Variants in UBR2 observed in about 807,000 individuals in gnomAD.
UBR2 encodes ubiquitin protein ligase E3 component n-recognin 2.
UBR2 carries 92 observed loss-of-function variants against 247.9 expected under a neutral mutation model. The ratio of observed to expected loss-of-function variants is 0.37; its 90% CI spans 0.31 to 0.44. The LOEUF (loss-of-function observed/expected upper bound fraction) is 0.44, where lower values mean the gene tolerates loss of function less well. Among genes scored for constraint, UBR2 ranks in the 20% least tolerant of loss-of-function variants. The pLI, the probability that UBR2 is intolerant of heterozygous loss-of-function variation, is 1.00. For synonymous variants in UBR2, 672 were observed against 693.5 expected (o/e 0.97, Z 0.49); for missense variants, 1,613 against 2,112.6 (o/e 0.76, Z 4.64).
chr6:42,595,718 TAAA>T (rs11452412), intron 4 of UBR2, among the ~76,000 whole-genome samples: 7 of 132,074 alleles, frequency 5.3e-5, no homozygotes, highest in Admixed American at 2.3e-4. Flanking sequence ...ACCCTGTCTT[TAAA>T]AAAAAAAAAA....
In UBR2 at chr6:42,612,283, G is replaced by C; in HGVS notation, c.977G>C (p.Gly326Ala). The C allele has an allele frequency of 1.3e-6, 2 of 1,511,904 alleles. No homozygotes were observed. Among genetic ancestry groups the C allele is most frequent in the Non-Finnish European group, 1.8e-6 (2 of 1,109,864 alleles). 93.7% of individuals were successfully genotyped at this position (1,511,904 alleles called of 1,614,324 possible). Reference sequence around the variant, plus strand: ...TTGTCTTGGCTGGGAAGTATTATTGGATATTCAGGTAGGTTCATAAAAGTT... The same window carrying C: ...TTGTCTTGGCTGGGAAGTATTATTGCATATTCAGGTAGGTTCATAAAAGTT... ...KLLSWLGSIIGYSDGLRRILC... is the reference protein window; with the variant it reads ...KLLSWLGSIIAYSDGLRRILC... Residue 326 changes from glycine to alanine, a missense_variant, in exon 8 of 47, where the codon GGA (glycine) becomes GCA (alanine). Around this residue, in one of 3 missense-constraint regions of UBR2, gnomAD observed 1,524 missense variants for 1,967.3 expected, o/e 0.77. Transcript: ENST00000372901.
rs774456672 is a variant in UBR2 at position 42,659,780 on chromosome 6, G to A, written c.3367G>A (p.Ala1123Thr). 6.2e-7 allele frequency: 1 copy of A among 1,614,162 alleles called. No individual in the cohort carries two copies. Among genetic ancestry groups the A allele is most frequent in the South Asian group, 1.1e-5 (1 of 91,084 alleles). ...GCAAGAAGTTAAAGTGGAAAGCAGG[G>A]CAATGGTCTTGGCAGCATTTGTTCA... ...EEQEVKVESR[A>T]MVLAAFVQRS... Residue 1123 changes from alanine to threonine, a missense_variant, in exon 30 of 47, where the codon GCA becomes ACA. Coordinates refer to ENST00000372901, the MANE Select transcript of UBR2 (RefSeq NM_001363705.2). The surrounding 1 kb of genome is among the most constrained non-coding windows in gnomAD (Gnocchi z 4.3).
chr6:42,609,956 G>A (rs577534088), intron 7 of UBR2, among the ~76,000 whole-genome samples: 30 of 151,008 alleles, frequency 2.0e-4, no homozygotes, highest in African/African-American at 7.0e-4. Flanking sequence ...CTCTGGAGCA[G>A]ATACACAAGC....
chr6:42,599,633 G>A (rs1457434898), intron 4 of UBR2, among the ~76,000 whole-genome samples: 2 of 139,128 alleles, frequency 1.4e-5, no homozygotes, highest in African/African-American at 5.4e-5. Flanking sequence ...TGTTGTTGTT[G>A]TTATGCTTTT....
chr6:42,690,175 TA>T (rs1173383742), intron 46 of UBR2, among the ~76,000 whole-genome samples: 2 of 152,234 alleles, frequency 1.3e-5, no homozygotes, highest in Admixed American at 1.3e-4. Context: ...CCCCAAGCAC[TA>T]TTAAAGAACT....
chr6:42,662,329 A>G (rs1238940445), intron 31 of UBR2, 52 bp downstream of exon 31: 1 of 1,147,492 alleles, frequency 8.7e-7, no homozygotes, highest in Non-Finnish European at 1.3e-6. Context: ...AGGGCTCAAT[A>G]TTTTTTAAAT....
intron 2 of UBR2, among the ~76,000 whole-genome samples, chr6:42,591,941 T>C (rs928292162): frequency 6.6e-6 from 1 of 152,214 alleles, no homozygotes; most frequent in African/African-American, 2.4e-5. Context: ...AAAGACTCCC[T>C]AGCACACATC....
At chr6:42,625,799 GTTGAT>G (rs1795302602) in intron 11 of UBR2, among the ~76,000 whole-genome samples, 1 of 150,570 alleles carries the variant, frequency 6.6e-6, no homozygotes. Context: ...CTTTAGTTGC[GTTGAT>G]TTATTTTTCC....
intron 4 of UBR2, among the ~76,000 whole-genome samples, chr6:42,601,130 C>A (rs769770146): frequency 4.6e-5 from 7 of 152,076 alleles, no homozygotes; most frequent in Admixed American, 4.6e-4. Context: ...ACTCTTCAAT[C>A]CTTAAATGTT....
chr6:42,636,182 GT>G (rs5875814), intron 14 of UBR2, among the ~76,000 whole-genome samples: 73,802 of 109,956 alleles, frequency 0.67, 21,577 homozygotes, highest in East Asian at 0.85. Context: ...TTTTTTTTTT[GT>G]TTTTTTTTTT....
At chr6:42,582,297 A>C (rs1019787835) in intron 2 of UBR2, among the ~76,000 whole-genome samples, 4 of 151,850 alleles carry the variant, frequency 2.6e-5, no homozygotes, top group East Asian at 1.9e-4. Flanking sequence ...AAAAAAAAAA[A>C]AAAAAACATT....
rs1791302183 is a variant in UBR2 at position 42,573,582 on chromosome 6, T to A, written c.79-152T>A. 10 of 842,786 alleles carry A rather than the reference T, an allele frequency of 1.2e-5. No homozygotes were observed. In the South Asian group the frequency reaches 3.1e-4, roughly 26 times the overall value. The allele number at this position is 842,786 out of a possible 1,614,324, so 52.2% of individuals were successfully genotyped here. On this transcript the variant is annotated intron_variant, in intron 1 of 46. Coordinates refer to ENST00000372901, the MANE Select transcript of UBR2 (RefSeq NM_001363705.2). ...TAAACATACTTGGCATTTTAATAGA[T>A]TAAATTTCTAACGTACGGTGGTGAG...
chr6:42,580,234 T>G (rs1791792566), intron 2 of UBR2, among the ~76,000 whole-genome samples: 1 of 152,204 alleles, frequency 6.6e-6, no homozygotes, highest in Non-Finnish European at 1.5e-5. Flanking sequence ...AGTAAATATC[T>G]TCTAGATAAT....
intron 2 of UBR2, among the ~76,000 whole-genome samples, chr6:42,576,705 G>A (rs1791541155): frequency 6.6e-6 from 1 of 151,828 alleles, no homozygotes; most frequent in Admixed American, 6.6e-5. Flanking sequence ...ATTTTTAGTA[G>A]GGATGGGGTT....
intron 18 of UBR2, 47 bp downstream of exon 18, chr6:42,642,528 C>A: frequency 6.8e-7 from 1 of 1,472,068 alleles, no homozygotes; most frequent in Non-Finnish European, 9.4e-7. Flanking sequence ...GGAATCTTTG[C>A]TTCTTGTTAT....
In UBR2 at chr6:42,691,090, C is replaced by G; in HGVS notation, c.5185C>G (p.His1729Asp). The G allele has an allele frequency of 6.2e-7, 1 of 1,614,176 alleles. No individual in the cohort carries two copies. The highest frequency in any genetic ancestry group is 1.1e-5 in the South Asian group (1 of 91,082). Residue 1729 changes from histidine (H) to aspartate (D), a missense_variant, in exon 47 of 47, where the codon CAC becomes GAC. His to Asp is a moderately conservative substitution (Grantham distance 81). Around this residue, in one of 3 missense-constraint regions of UBR2, gnomAD observed 80 missense variants for 108.6 expected, o/e 0.74. Coordinates refer to ENST00000372901, the MANE Select transcript of UBR2 (RefSeq NM_001363705.2). ...ATTCAAGAAGATTCAGAAGCTCTGG[C>G]ACCAACACAGTGTCACAGAGGAAAT... ...ERFKKIQKLWHQHSVTEEIGH... is the reference protein window; with the variant it reads ...ERFKKIQKLWDQHSVTEEIGH...
intron 23 of UBR2, among the ~76,000 whole-genome samples, chr6:42,650,985 G>A (rs1049010986): frequency 2.0e-5 from 3 of 152,046 alleles, no homozygotes; most frequent in Non-Finnish European, 2.9e-5. Flanking sequence ...ACTTTGGGAG[G>A]CTGAGGCGGG....
At chr6:42,619,453 A>ATATATATATTTTTTTTTTTTT in intron 11 of UBR2, 1 of 23,728 alleles carries the variant, frequency 4.2e-5, no homozygotes, top group African/African-American at 1.2e-4. Flanking sequence ...ATATATATAT[A>ATATATATATTTTTTTTTTTTT]TTTTTTTTTT....
At chr6:42,666,139 T>C (rs781547193) in intron 33 of UBR2, 28 bp from the exon 34 acceptor site, 20 of 1,568,332 alleles carry the variant, frequency 1.3e-5, no homozygotes, top group Non-Finnish European at 1.7e-5. Flanking sequence ...ATCTATTGAA[T>C]AATAGTATAA....
Sources: allele counts gnomAD v4.1 joint callset (sites outside exome capture counted in the v4.1 genomes callset), GRCh38; gene constraint gnomAD v4.1.1; regional missense constraint gnomAD v4.1.1; non-coding constraint Gnocchi (gnomAD v3.1); transcripts MANE v1.5; gene names NCBI Gene and HGNC (gene_info 2026-07-23, HGNC 2026-07-21).